The following PCDHA7 variants were observed in gnomAD, a reference collection of about 807,000 sequenced individuals.
The protein encoded by PCDHA7 is protocadherin alpha-7.
A neutral mutation model predicts 57.2 loss-of-function variants in PCDHA7; 37 were observed. The ratio of observed to expected loss-of-function variants is 0.65; its 90% confidence interval spans 0.50 to 0.85. The LOEUF is 0.85. PCDHA7 is among the 40% of genes least tolerant of loss of function. The pLI, the probability that PCDHA7 is intolerant of heterozygous loss-of-function variation, is 0.00. For synonymous variants in PCDHA7, 553 were observed against 558.8 expected (o/e 0.99, Z 0.15); for missense variants, 1,188 against 1,241.8 (o/e 0.96, Z 0.65).
At position 140,858,438 on chromosome 5, in the gene PCDHA7, TG is replaced by T; in HGVS notation, c.2355+21703del. ...ATTGGAGGGGACCACTCTAGGAAGG[TG>T]GGTTATTACGTTTTCATTTTCCTTT... On this transcript the variant is annotated intron_variant, in intron 1 of 3. Transcript: ENST00000525929. 1 of 1,540,928 alleles carries T rather than the reference TG, an allele frequency of 6.5e-7. No individual in the cohort carries two copies. The highest frequency in any genetic ancestry group is 8.8e-7 in the Non-Finnish European group (1 of 1,134,396).
rs782609302 is a variant in PCDHA7 at position 140,875,595 on chromosome 5, C to T, written c.2355+38857C>T. The T allele has an allele frequency of 6.2e-6, 10 of 1,613,842 alleles. No individual in the cohort carries two copies. The African/African-American group carries it at 8.0e-5, about 13-fold the overall frequency. ...ACTCCGTCTACGAGGAGGCCAAACA[C>T]GGCACCTTCGTGGGCCGCATCGCTC... On this transcript the variant is annotated intron_variant, in intron 1 of 3. Transcript: ENST00000525929.
At chr5:140,884,422 T>C (rs1470374467) in intron 1 of PCDHA7, 15 of 1,613,860 alleles carry the variant, frequency 9.3e-6, no homozygotes, top group Middle Eastern at 1.6e-4. Context: ...TGCTGCTGTA[T>C]ACTGCGCTGC....
At chr5:140,969,034 G>A in intron 1 of PCDHA7, 1 of 1,614,144 alleles carries the variant, frequency 6.2e-7, no homozygotes, top group East Asian at 2.2e-5. Flanking sequence ...CTGCAGAACT[G>A]TACAAACAAG....
chr5:140,878,537 C>G (rs1554170454), intron 1 of PCDHA7, among the ~76,000 whole-genome samples: 2 of 152,152 alleles, frequency 1.3e-5, no homozygotes, highest in African/African-American at 4.8e-5. Flanking sequence ...GTGGCTCAAA[C>G]CAGTTTCAGA....
intron 1 of PCDHA7, chr5:140,968,975 T>G (rs782002097): frequency 2.5e-6 from 4 of 1,614,168 alleles, no homozygotes; most frequent in Non-Finnish European, 3.4e-6. Context: ...CTACACTGCG[T>G]ATGGCACTGC....
Position 141,003,329 on chromosome 5 carries a change from T to C in PCDHA7, c.2504-6298T>C, listed in dbSNP as rs571160293. On this transcript the variant is annotated intron_variant, in intron 3 of 3. Transcript: ENST00000525929. ...GGCCAGCTACTTCCAGAGGGCAGGG[T>C]TTTTTGTTTGTTTGCTCTGTCACCC... Among the ~76,000 whole-genome samples the C allele has an allele frequency of 7.2e-5, 11 of 152,118 alleles. No homozygotes were observed. The South Asian group carries it at 2.3e-3, about 32-fold the overall frequency.
At chr5:140,943,024 A>C (rs2093406550) in intron 1 of PCDHA7, among the ~76,000 whole-genome samples, 1 of 152,102 alleles carries the variant, frequency 6.6e-6, no homozygotes, top group Admixed American at 6.6e-5. Context: ...TGGGAGGCTG[A>C]GGTGGGTGGA....
In PCDHA7 at chr5:141,007,955, C is replaced by T. The variant is rs192197811; in HGVS notation, c.2504-1672C>T. ...CTAAGCCACCTTTTTGAGAACTGCT[C>T]ATTCTCTGGGTGTCTGTCATGTATA... On this transcript the variant is annotated intron_variant, in intron 3 of 3. Transcript: ENST00000525929. 2.6e-5 allele frequency among the ~76,000 whole-genome samples: 4 copies of T among 152,294 alleles called. No homozygotes were observed. In the East Asian group the frequency reaches 7.7e-4, roughly 29 times the overall value.
At chr5:140,954,287 TG>T (rs1353316805) in intron 1 of PCDHA7, among the ~76,000 whole-genome samples, 1 of 152,248 alleles carries the variant, frequency 6.6e-6, no homozygotes, top group Non-Finnish European at 1.5e-5. Flanking sequence ...TATATTCCTT[TG>T]GGTACATACC....
chr5:140,914,510 A>G (rs900880100), intron 1 of PCDHA7, among the ~76,000 whole-genome samples: 1 of 152,100 alleles, frequency 6.6e-6, no homozygotes, highest in Non-Finnish European at 1.5e-5. Context: ...TCATTGGGTC[A>G]TGTTTTTTCA....
chr5:140,863,194 T>C (rs537580785), intron 1 of PCDHA7: 17 of 849,862 alleles, frequency 2.0e-5, no homozygotes, highest in African/African-American at 1.9e-4. Flanking sequence ...CGTGGTGGCG[T>C]CGCTGGCGGA....
At chr5:140,927,457 A>G in intron 1 of PCDHA7, 1 of 1,614,098 alleles carries the variant, frequency 6.2e-7, no homozygotes, top group Non-Finnish European at 8.5e-7. Flanking sequence ...GGTGTTGGAG[A>G]AAGCACTGGA....
At chr5:140,863,278 G>A (rs1554158055) in intron 1 of PCDHA7, 3 of 1,461,976 alleles carry the variant, frequency 2.1e-6, no homozygotes, top group South Asian at 1.1e-5. Flanking sequence ...GCTGGTGGAT[G>A]TCAACGTGTA....
chr5:141,009,709 C>T lies in PCDHA7; in HGVS notation c.2586C>T (p.Asn862=). The part of the protein sequence containing the change: ...NSWTFKYGPG[N]PKQSGPGELP... ...GGACCTTTAAATACGGACCAGGCAA[C>T]CCCAAACAATCCGGTCCCGGTGAGT... The change falls in exon 4 of 4, where the codon AAC becomes AAT. Residue 862 remains asparagine (N), a synonymous_variant. Coordinates refer to ENST00000525929, the MANE Select transcript of PCDHA7 (RefSeq NM_018910.3). 1 of 1,614,118 alleles carries T rather than the reference C, an allele frequency of 6.2e-7. No homozygotes were observed. Among genetic ancestry groups the T allele is most frequent in the Non-Finnish European group, 8.5e-7 (1 of 1,180,024 alleles).
chr5:140,843,529 G>A (rs2150362130), intron 1 of PCDHA7: 1 of 1,596,020 alleles, frequency 6.3e-7, no homozygotes, highest in Middle Eastern at 1.7e-4. Flanking sequence ...GGGCGGGCAA[G>A]CCCACTCTGG....
At chr5:140,931,782 C>T (rs967402790) in intron 1 of PCDHA7, among the ~76,000 whole-genome samples, 9 of 151,848 alleles carry the variant, frequency 5.9e-5, no homozygotes, top group Non-Finnish European at 5.9e-5. Flanking sequence ...GTTCAATTAC[C>T]TATTGATCTG....
Position 140,882,583 on chromosome 5 carries a change from C to T in PCDHA7, c.2355+45845C>T, listed in dbSNP as rs143956549. ...GGCGGAGCGCGGAGTGCAGCATCCA[C>T]CTGGAGGTGATCGTGGACAGGCCTC... On this transcript the variant is annotated intron_variant, in intron 1 of 3. Coordinates refer to ENST00000525929, the MANE Select transcript of PCDHA7 (RefSeq NM_018910.3). 2.3e-3 allele frequency: 3,635 copies of T among 1,614,232 alleles called. 15 individuals are homozygous for T. Among genetic ancestry groups the T allele is most frequent in the Middle Eastern group, 9.6e-3 (58 of 6,060 alleles).
chr5:140,871,271 C>T (rs1369255733), intron 1 of PCDHA7: 1 of 1,613,830 alleles, frequency 6.2e-7, no homozygotes, highest in African/African-American at 1.3e-5. Context: ...CTGTGGTGGT[C>T]GGCAACGCCC....
intron 1 of PCDHA7, chr5:140,928,163 C>A: frequency 6.2e-7 from 1 of 1,614,204 alleles, no homozygotes; most frequent in Non-Finnish European, 8.5e-7. Flanking sequence ...GGCTCACCCC[C>A]ACTTAGCACC....
Sources: gnomAD v4.1 joint callset for allele counts (sites outside exome capture counted in the v4.1 genomes callset) on GRCh38, gnomAD v4.1.1 for gene constraint, MANE v1.5 for transcripts, NCBI Gene and HGNC (gene_info 2026-07-23, HGNC 2026-07-21) for gene names.